Variants in MTMR2 observed in about 807,000 individuals in gnomAD.
The protein encoded by MTMR2 is phosphatidylinositol-3,5-bisphosphate 3-phosphatase MTMR2.
Under a neutral mutation model 86.9 loss-of-function variants are expected in MTMR2, and 55 were observed. The observed-to-expected ratio is 0.63, with a 90% CI of 0.51 to 0.79. The LOEUF (loss-of-function observed/expected upper bound fraction) is 0.79, where lower values mean the gene tolerates loss of function less well. Among genes scored for constraint, MTMR2 ranks in the 30% least tolerant of loss-of-function variants. MTMR2 has a pLI of 0.00. For missense variants in MTMR2, 659 were observed against 772.3 expected (o/e 0.85, Z 1.74); for synonymous variants, 241 against 266.8 (o/e 0.90, Z 0.94).
chr11:95,897,456 A>G (rs1206830613), intron 1 of MTMR2, among the ~76,000 whole-genome samples: 1 of 152,136 alleles, frequency 6.6e-6, no homozygotes, highest in Non-Finnish European at 1.5e-5. Flanking sequence ...GTTTCTTACA[A>G]TAAAGTCTTT....
chr11:95,854,935 G>A (rs1026483772), intron 7 of MTMR2, among the ~76,000 whole-genome samples: 24 of 151,370 alleles, frequency 1.6e-4, no homozygotes, highest in Non-Finnish European at 1.5e-4. Flanking sequence ...CAACCCCCCT[G>A]GATAGCTGTG....
At chr11:95,855,915 T>TA (rs1187386116) in intron 7 of MTMR2, among the ~76,000 whole-genome samples, 7 of 152,270 alleles carry the variant, frequency 4.6e-5, no homozygotes, top group Non-Finnish European at 2.9e-5. Flanking sequence ...GTGCTAGAAT[T>TA]AGAGTGTGGT....
Position 95,838,215 on chromosome 11 carries a change from T to C in MTMR2, c.1480-8A>G. On this transcript the variant is annotated splice_polypyrimidine_tract_variant and splice_region_variant and intron_variant, in intron 12 of 14. Coordinates refer to ENST00000346299, the MANE Select transcript of MTMR2 (RefSeq NM_016156.6). ...TTCAAATGCGGTAGGAAACTGCAAA[T>C]CAAACATCACAAACACATAAATTAA... 1.4e-6 allele frequency: 2 copies of C among 1,414,332 alleles called. No homozygotes were observed. The highest frequency in any genetic ancestry group is 2.0e-6 in the Non-Finnish European group (2 of 1,001,660). 87.6% of individuals were successfully genotyped at this position (1,414,332 alleles called of 1,614,324 possible). A position where few individuals can be genotyped will look rare whatever the true frequency, so the allele number is the denominator to read the frequency against.
chr11:95,874,178 T>C (rs1037564675), intron 2 of MTMR2, among the ~76,000 whole-genome samples: 1 of 152,230 alleles, frequency 6.6e-6, no homozygotes, highest in Non-Finnish European at 1.5e-5. Context: ...CTGATCTGTC[T>C]AATATTGACA....
chr11:95,902,492 A>C (rs1866110112), intron 1 of MTMR2, among the ~76,000 whole-genome samples: 1 of 152,122 alleles, frequency 6.6e-6, no homozygotes, highest in African/African-American at 2.4e-5. Context: ...CACATTAAAA[A>C]CTGTAAGGGC....
chr11:95,914,760 TTG>T (rs1424098464), intron 1 of MTMR2, among the ~76,000 whole-genome samples: 1 of 152,140 alleles, frequency 6.6e-6, no homozygotes, highest in Non-Finnish European at 1.5e-5. Context: ...CTACAAAGCT[TTG>T]GTCTGCACCT....
At chr11:95,875,384 G>C (rs903317032) in intron 2 of MTMR2, among the ~76,000 whole-genome samples, 2 of 152,010 alleles carry the variant, frequency 1.3e-5, no homozygotes, top group South Asian at 4.1e-4. Flanking sequence ...CCAGTTGATC[G>C]AATCAGCTAC....
intron 2 of MTMR2, among the ~76,000 whole-genome samples, chr11:95,866,159 T>A (rs577796800): frequency 6.6e-6 from 1 of 151,864 alleles, no homozygotes; most frequent in Non-Finnish European, 1.5e-5. Flanking sequence ...TTAGAGAATT[T>A]AGAAATGATG....
At chr11:95,905,331 GCACACACACACACACACA>G (rs10552965) in intron 1 of MTMR2, among the ~76,000 whole-genome samples, 14 of 147,990 alleles carry the variant, frequency 9.5e-5, no homozygotes, top group Non-Finnish European at 2.1e-4. Context: ...ACGCACCTGC[GCACACACACACACACACA>G]CACACACACA....
chr11:95,900,812 G>A (rs934605590), intron 1 of MTMR2, among the ~76,000 whole-genome samples: 1 of 152,164 alleles, frequency 6.6e-6, no homozygotes, highest in Non-Finnish European at 1.5e-5. Context: ...GAATCTACAT[G>A]AGAATCATTA....
At chr11:95,890,368 T>C (rs1220393341) in intron 1 of MTMR2, among the ~76,000 whole-genome samples, 1 of 152,166 alleles carries the variant, frequency 6.6e-6, no homozygotes, top group Non-Finnish European at 1.5e-5. Flanking sequence ...CTCCTTCAAA[T>C]AGATTCCCCT....
chr11:95,845,380 C>A (rs565614393), intron 10 of MTMR2, among the ~76,000 whole-genome samples: 1 of 152,076 alleles, frequency 6.6e-6, no homozygotes, highest in Non-Finnish European at 1.5e-5. Context: ...ATTTGCCCAA[C>A]GAAATAGCCA....
chr11:95,850,403 C>G lies in MTMR2; in HGVS notation c.804+197G>C, dbSNP rs540068103. On this transcript the variant is annotated intron_variant, in intron 8 of 14. Transcript: ENST00000346299. The stretch of plus-strand genomic sequence containing the variant: ...CAATTCTGTGCAGTTATCTAATACC[C>G]ATATCACACTCTCTGGAAGCCTCTT... 1.6e-4 allele frequency among the ~76,000 whole-genome samples: 25 copies of G among 152,220 alleles called. No homozygotes were observed. The East Asian group carries it at 4.8e-3, about 29-fold the overall frequency.
chr11:95,908,952 G>A (rs1014161456), intron 1 of MTMR2, among the ~76,000 whole-genome samples: 1 of 152,102 alleles, frequency 6.6e-6, no homozygotes, highest in African/African-American at 2.4e-5. Context: ...GAATAATATA[G>A]TACAGCACTA....
chr11:95,878,798 T>A (rs1378397418), intron 2 of MTMR2, among the ~76,000 whole-genome samples: 2 of 152,118 alleles, frequency 1.3e-5, no homozygotes, highest in Non-Finnish European at 2.9e-5. Flanking sequence ...TGGTTCATAA[T>A]AGATTATATG....
intron 1 of MTMR2, among the ~76,000 whole-genome samples, chr11:95,917,261 C>T (rs1411781751): frequency 1.3e-5 from 2 of 152,158 alleles, no homozygotes; most frequent in African/African-American, 4.8e-5. Flanking sequence ...GAAAAATATT[C>T]CACACTAAAA....
intron 8 of MTMR2, 30 bp from the exon 9 acceptor site, chr11:95,849,892 T>C: frequency 6.5e-7 from 1 of 1,544,658 alleles, no homozygotes; most frequent in Non-Finnish European, 8.9e-7. Flanking sequence ...TAACACACCT[T>C]TTACATACTT....
chr11:95,835,623 T>C (rs955366404), intron 14 of MTMR2, among the ~76,000 whole-genome samples, 172 bp from the exon 15 acceptor site: 5 of 152,028 alleles, frequency 3.3e-5, no homozygotes, highest in Admixed American at 6.6e-5. Context: ...ATCTTTTCAC[T>C]GGCTTTCCCA....
chr11:95,872,724 C>G (rs1289880595), intron 2 of MTMR2, among the ~76,000 whole-genome samples: 1 of 152,174 alleles, frequency 6.6e-6, no homozygotes, highest in Non-Finnish European at 1.5e-5. Flanking sequence ...AGTTTTTGCC[C>G]ATTCAGTATG....
Sources: gnomAD v4.1 joint callset for allele counts (sites outside exome capture counted in the v4.1 genomes callset) on GRCh38, gnomAD v4.1.1 for gene constraint, MANE v1.5 for transcripts, NCBI Gene and HGNC (gene_info 2026-07-23, HGNC 2026-07-21) for gene names.